SOX6: variants seen among roughly 807,000 people sequenced by gnomAD.
SOX6 encodes transcription factor SOX-6.
A neutral mutation model predicts 97.8 loss-of-function variants in SOX6; 11 were observed. The observed-to-expected ratio is 0.11, with a 90% confidence interval of 0.07 to 0.19. The LOEUF (loss-of-function observed/expected upper bound fraction) is 0.19, where lower values mean the gene tolerates loss of function less well. SOX6 is among the 10% of genes least tolerant of loss of function. The pLI, the probability that SOX6 is intolerant of heterozygous loss-of-function variation, is 1.00. For missense variants in SOX6, 810 were observed against 1,039.5 expected (o/e 0.78, Z 3.04); for synonymous variants, 360 against 371.4 (o/e 0.97, Z 0.35).
intron 9 of SOX6, among the ~76,000 whole-genome samples, chr11:16,071,814 T>C (rs1415845973): frequency 1.3e-5 from 2 of 151,940 alleles, no homozygotes; most frequent in East Asian, 3.9e-4. Context: ...GAGACAGTAA[T>C]TGGAGGGGCT....
chr11:16,320,231 A>G (rs1253905845), intron 2 of SOX6, among the ~76,000 whole-genome samples: 1 of 152,116 alleles, frequency 6.6e-6, no homozygotes, highest in Non-Finnish European at 1.5e-5. Context: ...TTTAATCACC[A>G]TCAGACTCCT....
chr11:16,358,317 A>G (rs958026207), upstream of SOX6, among the ~76,000 whole-genome samples: 5 of 152,182 alleles, frequency 3.3e-5, no homozygotes, highest in African/African-American at 1.2e-4. Flanking sequence ...TCAAAATTAT[A>G]GAATGCCAGG....
chr11:16,503,358 A>G (rs1860737925), intron 4 of SOX6, among the ~76,000 whole-genome samples: 1 of 152,176 alleles, frequency 6.6e-6, no homozygotes, highest in Non-Finnish European at 1.5e-5. Flanking sequence ...CCACAATGTT[A>G]AATAAGAGAG....
intron 13 of SOX6, among the ~76,000 whole-genome samples, chr11:16,003,820 C>T (rs941232034): frequency 4.0e-5 from 6 of 151,786 alleles, no homozygotes; most frequent in Middle Eastern, 3.2e-3. Flanking sequence ...CCCATAGTTG[C>T]GGTGTGGGAC....
intron 1 of SOX6, among the ~76,000 whole-genome samples, chr11:16,470,571 C>A (rs7950287): frequency 0.16 from 24,683 of 151,998 alleles, 2,038 homozygotes; most frequent in Non-Finnish European, 0.17. Context: ...GAAATGAAGT[C>A]AGTGGTAGAA....
intron 4 of SOX6, among the ~76,000 whole-genome samples, chr11:16,498,825 TAC>T (rs1860653846): frequency 1.3e-5 from 2 of 152,316 alleles, no homozygotes; most frequent in African/African-American, 4.8e-5. Flanking sequence ...CTTAGAGACC[TAC>T]AAAGAAACTT....
chr11:15,980,354 G>A (rs1000574311), intron 15 of SOX6, among the ~76,000 whole-genome samples: 3 of 151,946 alleles, frequency 2.0e-5, no homozygotes, highest in South Asian at 2.1e-4. Context: ...AAGAACTTAG[G>A]GAAGACTCCT....
intron 12 of SOX6, among the ~76,000 whole-genome samples, chr11:16,018,903 C>T (rs577417796): frequency 1.3e-5 from 2 of 152,226 alleles, no homozygotes; most frequent in African/African-American, 4.8e-5. Context: ...AGCAGGAAGA[C>T]ATTCCATATA....
chr11:16,458,195 A>T (rs1859847625), intron 1 of SOX6, among the ~76,000 whole-genome samples: 1 of 151,980 alleles, frequency 6.6e-6, no homozygotes, highest in Admixed American at 6.6e-5. Flanking sequence ...AAGATTTCAT[A>T]AAAGGCATAA....
chr11:16,318,711 G>T, intron 2 of SOX6, 58 bp from the exon 3 acceptor site: 1 of 1,499,408 alleles, frequency 6.7e-7, no homozygotes, highest in Non-Finnish European at 9.2e-7. Flanking sequence ...CATGCTACTG[G>T]AGAAAAAAAT....
upstream of SOX6, among the ~76,000 whole-genome samples, chr11:16,477,524 C>T (rs1332784116): frequency 6.6e-6 from 1 of 152,074 alleles, no homozygotes; most frequent in Non-Finnish European, 1.5e-5. Flanking sequence ...CCTAAATGAT[C>T]CAGGTAATTT....
At chr11:16,283,536 T>C (rs1000111266) in intron 3 of SOX6, among the ~76,000 whole-genome samples, 15 of 151,706 alleles carry the variant, frequency 9.9e-5, no homozygotes, top group African/African-American at 3.6e-4. Flanking sequence ...CAAAAGAAGT[T>C]AGAAACACAT....
chr11:16,659,282 G>A (rs1847748197), intron 3 of SOX6, among the ~76,000 whole-genome samples: 1 of 152,176 alleles, frequency 6.6e-6, no homozygotes, highest in African/African-American at 2.4e-5. Context: ...AGTTCCAGCA[G>A]CATTTTTTGA....
chr11:16,061,664 C>A (rs1291951463), intron 9 of SOX6, among the ~76,000 whole-genome samples: 1 of 151,718 alleles, frequency 6.6e-6, no homozygotes, highest in Non-Finnish European at 1.5e-5. Context: ...CTATAGTAAT[C>A]AAAACAGTAT....
chr11:16,417,256 C>T (rs1180261512), intron 1 of SOX6, among the ~76,000 whole-genome samples: 1 of 152,136 alleles, frequency 6.6e-6, no homozygotes, highest in Non-Finnish European at 1.5e-5. Context: ...GCATTGCCTC[C>T]TAACCATCCA....
intron 4 of SOX6, among the ~76,000 whole-genome samples, chr11:16,482,380 ATT>A (rs1860359479): frequency 6.6e-6 from 1 of 152,204 alleles, no homozygotes; most frequent in South Asian, 2.1e-4. Context: ...AGTTTAAAAC[ATT>A]GACATATTTT....
intron 4 of SOX6, among the ~76,000 whole-genome samples, chr11:16,606,800 GTGT>G (rs1393798665): frequency 6.6e-6 from 1 of 152,138 alleles, no homozygotes; most frequent in Non-Finnish European, 1.5e-5. Context: ...GCTACAACAT[GTGT>G]TTTCTCAGGG....
At chr11:16,525,573 C>T (rs545368415) in intron 4 of SOX6, among the ~76,000 whole-genome samples, 1 of 151,466 alleles carries the variant, frequency 6.6e-6, no homozygotes, top group Admixed American at 6.6e-5. Flanking sequence ...TAGGCATGGG[C>T]AAGGACTTCA....
Position 16,449,138 on chromosome 11 carries a change from G to A in SOX6, c.-5+27177C>T, listed in dbSNP as rs1041340287. ...CATTTAAAAACCAAGAGTCCAAATT[G>A]TGGGGCATAGGGTGGTAGAGTAAGT... On this transcript the variant is annotated intron_variant, in intron 1 of 15. Coordinates refer to the SOX6 transcript ENST00000396356. 2.2e-4 allele frequency among the ~76,000 whole-genome samples: 34 copies of A among 152,188 alleles called. 1 individual carries two copies. The highest frequency in any genetic ancestry group is 2.2e-3 in the Admixed American group (34 of 15,282).
Sources: allele counts gnomAD v4.1 joint callset (sites outside exome capture counted in the v4.1 genomes callset), GRCh38; gene constraint gnomAD v4.1.1; transcripts MANE v1.5; gene names NCBI Gene and HGNC (gene_info 2026-07-23, HGNC 2026-07-21).